CFTR: variants seen among roughly 807,000 people sequenced by gnomAD.
CFTR encodes the protein CF transmembrane conductance regulator.
In CFTR, 181 loss-of-function variants were observed where a neutral mutation model predicts 171.6. That is an observed-to-expected ratio of 1.05 (90% CI 0.93 to 1.19). The LOEUF (loss-of-function observed/expected upper bound fraction) is 1.19. CFTR is among the 50% of genes most tolerant of loss of function. The pLI, the probability that CFTR is intolerant of heterozygous loss-of-function variation, is 0.00. For synonymous variants in CFTR, 583 were observed against 608.0 expected (o/e 0.96, Z 0.60); for missense variants, 1,968 against 1,734.7 (o/e 1.13, Z -2.39).
At chr7:117,613,844 G>A (rs1792441332) in intron 20 of CFTR, among the ~76,000 whole-genome samples, 1 of 151,730 alleles carries the variant, frequency 6.6e-6, no homozygotes, top group Admixed American at 6.6e-5. Flanking sequence ...GGACTTGATA[G>A]TCTAACTTTA....
rs397508174 is a variant in CFTR, at chr7:117,542,101, G to T, written c.1202G>T (p.Trp401Leu). The change falls in exon 9 of 27, where the codon TGG becomes TTG. Residue 401 changes from tryptophan (W) to leucine (L), a missense_variant. Transcript: ENST00000003084. ...GTGATGGAGAATGTAACAGCCTTCT[G>T]GGAGGAGGTCAGAATTTTTAAAAAA... is the stretch of plus-strand genomic sequence containing the variant. ...EVVMENVTAF[W>L]EEGFGELFEK... The T allele has an allele frequency of 6.4e-6, 10 of 1,573,740 alleles. No homozygotes were observed. The South Asian group carries it at 1.1e-4, about 17-fold the overall frequency.
intron 21 of CFTR, among the ~76,000 whole-genome samples, chr7:117,620,029 A>G (rs983313967): frequency 6.6e-6 from 1 of 152,142 alleles, no homozygotes; most frequent in Non-Finnish European, 1.5e-5. Context: ...TTGTACTGAA[A>G]GTAGTTTTTG....
chr7:117,650,369 A>T (rs1406162433), intron 23 of CFTR, among the ~76,000 whole-genome samples: 1 of 152,100 alleles, frequency 6.6e-6, no homozygotes, highest in Non-Finnish European at 1.5e-5. Flanking sequence ...AAGGTACCAT[A>T]CACTGAGATG....
At chr7:117,658,143 C>T (rs1279343945) in intron 24 of CFTR, among the ~76,000 whole-genome samples, 5 of 152,074 alleles carry the variant, frequency 3.3e-5, no homozygotes, top group Non-Finnish European at 7.4e-5. Flanking sequence ...TATCCCAAAA[C>T]AGCTTAGGCC....
At chr7:117,555,851 G>A (rs540619898) in intron 10 of CFTR, among the ~76,000 whole-genome samples, 1 of 152,252 alleles carries the variant, frequency 6.6e-6, no homozygotes, top group South Asian at 2.1e-4. Context: ...GACTGTTTAT[G>A]TTATCTGTAA....
At chr7:117,551,628 T>C (rs1416613321) in intron 10 of CFTR, among the ~76,000 whole-genome samples, 1 of 152,232 alleles carries the variant, frequency 6.6e-6, no homozygotes, top group African/African-American at 2.4e-5. Context: ...GAAATTTAAC[T>C]GAATATCTTT....
chr7:117,602,045 T>G (rs997270417), intron 15 of CFTR, among the ~76,000 whole-genome samples: 34 of 152,224 alleles, frequency 2.2e-4, no homozygotes, highest in African/African-American at 7.2e-4. Flanking sequence ...GAAACTTTTT[T>G]TTTTAAGACA....
chr7:117,569,924 ACATTCTACTT>A (rs1362526188), intron 11 of CFTR, among the ~76,000 whole-genome samples: 1 of 152,200 alleles, frequency 6.6e-6, no homozygotes, highest in Non-Finnish European at 1.5e-5. Flanking sequence ...CGTGTAACTT[ACATTCTACTT>A]TGAGAAGACA....
chr7:117,592,117 C>T lies in CFTR; in HGVS notation c.1950C>T (p.Phe650=), dbSNP rs200204024. Residue 650 remains phenylalanine (F), a synonymous_variant, in exon 14 of 27, where the codon TTC becomes TTT. Coordinates refer to ENST00000003084, the MANE Select transcript of CFTR (RefSeq NM_000492.4). ...CAAAACTCATGGGATGTGATTCTTT[C>T]GACCAATTTAGTGCAGAAAGAAGAA... ...FSSKLMGCDS[F]DQFSAERRNS... is the part of the protein sequence containing the mutation. 2.1e-5 allele frequency: 34 copies of T among 1,613,968 alleles called. No homozygotes were observed. Among genetic ancestry groups the T allele is most frequent in the Middle Eastern group, 1.6e-4 (1 of 6,062 alleles).
At chr7:117,622,876 T>C (rs941079768) in intron 21 of CFTR, among the ~76,000 whole-genome samples, 1 of 152,152 alleles carries the variant, frequency 6.6e-6, no homozygotes, top group African/African-American at 2.4e-5. Context: ...GCATCCCTTA[T>C]AAAGTAAGGC....
At chr7:117,662,523 G>T (rs1208584331) in intron 24 of CFTR, among the ~76,000 whole-genome samples, 1 of 152,196 alleles carries the variant, frequency 6.6e-6, no homozygotes, top group Non-Finnish European at 1.5e-5. Context: ...GTTTGGTTCT[G>T]CTGGGAATAA....
chr7:117,485,496 C>T (rs1293239356), intron 1 of CFTR, among the ~76,000 whole-genome samples: 6 of 152,166 alleles, frequency 3.9e-5, no homozygotes, highest in Admixed American at 3.3e-4. Context: ...TGTTGGTTCT[C>T]TTCAGAGCTC....
rs144655877 is a variant in CFTR, at chr7:117,531,798, T to A, written c.489+684T>A. ...AAGGCATGTGCTTGCATCATCCTGA[T>A]TCACTACCATGTGTTACTAACTTGG... On this transcript the variant is annotated intron_variant, in intron 4 of 26. Coordinates refer to ENST00000003084, the MANE Select transcript of CFTR (RefSeq NM_000492.4). Among the ~76,000 whole-genome samples, 608 of 152,322 alleles carry A rather than the reference T, an allele frequency of 4.0e-3. 6 individuals carry two copies. The highest frequency in any genetic ancestry group is 0.014 in the African/African-American group (581 of 41,574).
At chr7:117,542,301 C>A (rs1310777275) in intron 9 of CFTR, among the ~76,000 whole-genome samples, 193 bp downstream of exon 9, 3 of 152,184 alleles carry the variant, frequency 2.0e-5, no homozygotes, top group Non-Finnish European at 4.4e-5. Flanking sequence ...AATCCCAGCA[C>A]TTTGGGAGAC....
chr7:117,593,069 T>C (rs1206963971), intron 14 of CFTR, among the ~76,000 whole-genome samples: 1 of 152,326 alleles, frequency 6.6e-6, no homozygotes, highest in East Asian at 1.9e-4. Flanking sequence ...ATATAAGGTA[T>C]ATAAACATTT....
In CFTR at chr7:117,652,951, T is replaced by G. The variant is rs769689992; in HGVS notation, c.3963+20T>G. The G allele has an allele frequency of 5.4e-6, 8 of 1,481,302 alleles. No individual in the cohort carries two copies. Among genetic ancestry groups the G allele is most frequent in the Non-Finnish European group, 6.6e-6 (7 of 1,060,718 alleles). The allele number at this position is 1,481,302 out of a possible 1,614,324, so 91.8% of individuals were successfully genotyped here. ...GATGAGGTAAGGCTGCTAACTGAAA[T>G]GATTTTGAAAGGGGTAACTCATACC... On this transcript the variant is annotated intron_variant, in intron 24 of 26. Transcript: ENST00000003084.
chr7:117,548,231 TCA>T (rs1799194990), intron 9 of CFTR, among the ~76,000 whole-genome samples: 1 of 152,096 alleles, frequency 6.6e-6, no homozygotes, highest in African/African-American at 2.4e-5. Context: ...AACTGCTGAG[TCA>T]CAGTCTACAG....
At chr7:117,490,755 A>C (rs1798148003) in intron 1 of CFTR, among the ~76,000 whole-genome samples, 1 of 152,048 alleles carries the variant, frequency 6.6e-6, no homozygotes. Context: ...CAACAACAGG[A>C]TTATTATAAT....
chr7:117,664,635 C>A, intron 24 of CFTR, 53 bp from the exon 25 acceptor site: 1 of 1,516,846 alleles, frequency 6.6e-7, no homozygotes, highest in Non-Finnish European at 9.2e-7. Context: ...AGAATGTCAA[C>A]TGCTTGAGTG....
Sources: allele counts gnomAD v4.1 joint callset (sites outside exome capture counted in the v4.1 genomes callset), GRCh38; gene constraint gnomAD v4.1.1; transcripts MANE v1.5; gene names NCBI Gene and HGNC (gene_info 2026-07-23, HGNC 2026-07-21).